The following DPP6 variants were observed in gnomAD, a reference collection of about 807,000 sequenced individuals.
The protein encoded by DPP6 is A-type potassium channel modulatory protein DPP6.
DPP6 carries 69 observed loss-of-function variants against 122.6 expected under a neutral mutation model. The observed-to-expected ratio is 0.56, with a 90% CI of 0.46 to 0.69. The LOEUF (loss-of-function observed/expected upper bound fraction) is 0.69, where lower values mean the gene tolerates loss of function less well. Among genes scored for constraint, DPP6 ranks in the 30% least tolerant of loss-of-function variants. DPP6 has a pLI of 0.00. For missense variants in DPP6, 928 were observed against 1,116.9 expected (o/e 0.83, Z 2.41); for synonymous variants, 418 against 433.1 (o/e 0.97, Z 0.43).
chr7:154,249,768 T>A (rs570446185), intron 1 of DPP6, among the ~76,000 whole-genome samples: 137 of 152,274 alleles, frequency 9.0e-4, no homozygotes, highest in Non-Finnish European at 1.6e-3. Flanking sequence ...ATCTTGCATA[T>A]GATTTCAGAA....
At chr7:154,772,374 G>C (rs1796299404) in intron 9 of DPP6, among the ~76,000 whole-genome samples, 1 of 152,042 alleles carries the variant, frequency 6.6e-6, no homozygotes, top group Admixed American at 6.5e-5. Flanking sequence ...ACCCATACTT[G>C]TCCCCCAGAG....
At chr7:154,163,711 A>C (rs533679749) in intron 1 of DPP6, among the ~76,000 whole-genome samples, 1 of 152,222 alleles carries the variant, frequency 6.6e-6, no homozygotes, top group Non-Finnish European at 1.5e-5. Flanking sequence ...TTTGGAGGTG[A>C]TTTATCCTGT....
At chr7:154,637,775 A>T (rs1176144476) in intron 5 of DPP6, 46 bp from the exon 6 acceptor site, 2 of 1,528,780 alleles carry the variant, frequency 1.3e-6, no homozygotes, top group Non-Finnish European at 1.8e-6. Context: ...TCATCGTAAC[A>T]GCCTTTGTCT....
intron 8 of DPP6, among the ~76,000 whole-genome samples, chr7:154,765,075 C>T (rs1321245233): frequency 6.6e-6 from 1 of 152,202 alleles, no homozygotes; most frequent in Non-Finnish European, 1.5e-5. Flanking sequence ...AAACCACTTC[C>T]AAACCACAGC....
chr7:154,005,165 A>G (rs1318799126), intron 1 of DPP6, among the ~76,000 whole-genome samples: 5 of 152,226 alleles, frequency 3.3e-5, no homozygotes, highest in Non-Finnish European at 5.9e-5. Context: ...AGACTATCTG[A>G]AAAGGCCTAT....
intron 1 of DPP6, among the ~76,000 whole-genome samples, chr7:154,313,005 A>G (rs1807041212): frequency 6.6e-6 from 1 of 152,180 alleles, no homozygotes; most frequent in African/African-American, 2.4e-5. Flanking sequence ...GAATATTTGA[A>G]GTTGTTATAG....
At chr7:154,623,644 C>T (rs965383428) in intron 5 of DPP6, among the ~76,000 whole-genome samples, 11 of 142,902 alleles carry the variant, frequency 7.7e-5, no homozygotes, top group East Asian at 2.1e-4. Context: ...TGCACACACG[C>T]GCACACACGC....
chr7:154,150,120 G>A (rs1175613724), intron 1 of DPP6, among the ~76,000 whole-genome samples: 7 of 152,080 alleles, frequency 4.6e-5, no homozygotes, highest in African/African-American at 7.2e-5. Flanking sequence ...TCACCTTCAC[G>A]AGGAGGTTTA....
rs1292551695 is a variant in DPP6 at position 153,916,209 on chromosome 7, T to C, written c.51+28475T>C. Reference sequence around the variant, plus strand: ...AGGATAGTCTCGATCTCCTGACCTCTTGATCCTCCCACCTTGGCCTCACAA... The same window carrying C: ...AGGATAGTCTCGATCTCCTGACCTCCTGATCCTCCCACCTTGGCCTCACAA... On this transcript the variant is annotated intron_variant, in intron 1 of 25. Coordinates refer to the DPP6 transcript ENST00000404039. Among the ~76,000 whole-genome samples, 5 of 151,958 alleles carry C rather than the reference T, an allele frequency of 3.3e-5. No individual in the cohort carries two copies. The South Asian group carries it at 1.0e-3, about 32-fold the overall frequency.
At chr7:154,692,448 T>A (rs1470346422) in intron 7 of DPP6, among the ~76,000 whole-genome samples, 1 of 152,218 alleles carries the variant, frequency 6.6e-6, no homozygotes, top group Non-Finnish European at 1.5e-5. Flanking sequence ...TGGTCCTCAC[T>A]GGGGAAGGAC....
chr7:154,543,358 C>T (rs1384653505), intron 4 of DPP6, among the ~76,000 whole-genome samples: 1 of 152,174 alleles, frequency 6.6e-6, no homozygotes, highest in Non-Finnish European at 1.5e-5. Flanking sequence ...TAAAAACAGA[C>T]CCTCCTCATA....
chr7:154,201,447 T>C lies in DPP6; in HGVS notation c.243+148384T>C, dbSNP rs142587884. On this transcript the variant is annotated intron_variant, in intron 1 of 25. Transcript: ENST00000377770. ...CCTGACCAGGATTGTCCTGTAAAAG[T>C]GAATTTTTCTAGGCAATTGAAGATT... Among the ~76,000 whole-genome samples, 45 of 152,284 alleles carry C rather than the reference T, an allele frequency of 3.0e-4. 1 individual carries two copies. In the East Asian group the frequency reaches 7.5e-3, roughly 25 times the overall value.
At chr7:154,629,026 A>T (rs890868755) in intron 5 of DPP6, among the ~76,000 whole-genome samples, 2 of 152,162 alleles carry the variant, frequency 1.3e-5, no homozygotes, top group Non-Finnish European at 2.9e-5. Flanking sequence ...TTATCAGAGT[A>T]AAAAAAGGAA....
At position 154,087,705 on chromosome 7, in the gene DPP6, A is replaced by G. The variant is rs1047335723; in HGVS notation, c.243+34642A>G. Among the ~76,000 whole-genome samples, 11 of 152,336 alleles carry G rather than the reference A, an allele frequency of 7.2e-5. No homozygotes were observed. In the Middle Eastern group the frequency reaches 0.017, roughly 236 times the overall value. On this transcript the variant is annotated intron_variant, in intron 1 of 25. Coordinates refer to ENST00000377770, the MANE Select transcript of DPP6 (RefSeq NM_130797.4). ...CTGCCCCGTTCTTGCTTTTCTAGCC[A>G]GACATGGTTCTCTGAGGATTTGTTA...
chr7:154,725,925 CT>C lies in DPP6; in HGVS notation c.763-1841del, dbSNP rs369558631. ...GGGAGAAACTGGCCAAAACAAAGGG[CT>C]ACAGGCCACATGCAAGTCTGAAACC... is the stretch of plus-strand genomic sequence containing the variant. On this transcript the variant is annotated intron_variant, in intron 7 of 25. Transcript: ENST00000377770. 2.6e-3 allele frequency among the ~76,000 whole-genome samples: 390 copies of C among 152,280 alleles called. 2 individuals are homozygous for C. Among genetic ancestry groups the C allele is most frequent in the African/African-American group, 8.9e-3 (370 of 41,560 alleles).
intron 16 of DPP6, among the ~76,000 whole-genome samples, chr7:154,848,777 T>C (rs898088128): frequency 6.6e-6 from 1 of 151,520 alleles, no homozygotes; most frequent in South Asian, 2.1e-4. Context: ...TTTCTTCCAG[T>C]AGTTTTACAA....
At chr7:153,830,250 G>A in the DPP6 span, among the ~76,000 whole-genome samples, 3 of 152,190 alleles carry the variant, frequency 2.0e-5, no homozygotes, top group East Asian at 1.9e-4. Flanking sequence ...AGCCCTCAGC[G>A]AAGTAAATAA....
intron 1 of DPP6, among the ~76,000 whole-genome samples, chr7:154,060,431 G>C: frequency 7.3e-6 from 1 of 137,632 alleles, no homozygotes; most frequent in African/African-American, 2.9e-5. Context: ...CCCCCCGCGA[G>C]GCGGGGACTG....
chr7:154,342,046 AGG>A (rs1482569597), intron 1 of DPP6, among the ~76,000 whole-genome samples: 1 of 152,182 alleles, frequency 6.6e-6, no homozygotes, highest in Non-Finnish European at 1.5e-5. Context: ...TTGTTATCAG[AGG>A]GAGAAAATGT....
Sources: allele counts gnomAD v4.1 joint callset (sites outside exome capture counted in the v4.1 genomes callset), GRCh38; gene constraint gnomAD v4.1.1; transcripts MANE v1.5; gene names NCBI Gene and HGNC (gene_info 2026-07-23, HGNC 2026-07-21).